Variants in PALM2AKAP2 observed in about 807,000 individuals in gnomAD.
PALM2AKAP2 encodes the protein PALM2-AKAP2 fusion protein.
A neutral mutation model predicts 71.5 loss-of-function variants in PALM2AKAP2; 37 were observed. That is an observed-to-expected ratio of 0.52 (90% CI 0.40 to 0.68). The LOEUF (loss-of-function observed/expected upper bound fraction) is 0.68, where lower values mean the gene tolerates loss of function less well. Ranked by LOEUF, PALM2AKAP2 falls within the 30% of genes least tolerant of loss-of-function variation. The pLI, the probability that PALM2AKAP2 is intolerant of heterozygous loss-of-function variation, is 0.00. For missense variants in PALM2AKAP2, 1,224 were observed against 1,191.8 expected, an observed-to-expected ratio of 1.03 and a Z score of -0.40; for synonymous variants, 468 against 478.8, an observed-to-expected ratio of 0.98 and a Z score of 0.29.
intron 6 of PALM2AKAP2, among the ~76,000 whole-genome samples, chr9:109,960,632 G>A (rs1258443142): frequency 6.6e-6 from 1 of 152,214 alleles, no homozygotes; most frequent in African/African-American, 2.4e-5. Context: ...AAAAAAAGAT[G>A]TAATGCTATC....
upstream of PALM2AKAP2, among the ~76,000 whole-genome samples, chr9:110,046,180 T>C (rs1833593637): frequency 6.6e-6 from 1 of 152,230 alleles, no homozygotes; most frequent in Admixed American, 6.5e-5. Context: ...TTCATACTCT[T>C]GCATGGATTT....
chr9:109,691,833 GATATATATATATATATATATATAT>G (rs1185965530), intron 1 of PALM2AKAP2, among the ~76,000 whole-genome samples: 3 of 36,040 alleles, frequency 8.3e-5, no homozygotes, highest in South Asian at 9.2e-4. Context: ...CCAGAAAGAC[GATATATATATATATATATATATAT>G]ATATATATAT....
At chr9:110,143,304 C>T (rs1312692309) in intron 2 of PALM2AKAP2, among the ~76,000 whole-genome samples, 1 of 150,204 alleles carries the variant, frequency 6.7e-6, no homozygotes, top group Admixed American at 6.6e-5. Flanking sequence ...TGCCTGTTGT[C>T]CCAGCTACTT....
chr9:110,044,355 T>C (rs1055374495), upstream of PALM2AKAP2, among the ~76,000 whole-genome samples: 1 of 134,218 alleles, frequency 7.5e-6, no homozygotes, highest in African/African-American at 2.9e-5. Context: ...TTTTTTTTTT[T>C]TTTTTTTTTT....
intron 7 of PALM2AKAP2, among the ~76,000 whole-genome samples, chr9:110,034,869 C>T (rs1833352860): frequency 6.6e-6 from 1 of 151,478 alleles, no homozygotes; most frequent in Admixed American, 6.6e-5. Context: ...TCCCAAAGTG[C>T]TGGGATTACA....
At chr9:109,860,840 A>T (rs1829288148) in intron 1 of PALM2AKAP2, among the ~76,000 whole-genome samples, 1 of 152,178 alleles carries the variant, frequency 6.6e-6, no homozygotes, top group South Asian at 2.1e-4. Context: ...TTCATTTCAA[A>T]AGCCTAGGAA....
chr9:110,108,294 G>C (rs1168956513), intron 1 of PALM2AKAP2, among the ~76,000 whole-genome samples: 6 of 151,678 alleles, frequency 4.0e-5, no homozygotes, highest in Admixed American at 1.3e-4. Context: ...GTATTTTTTA[G>C]TAGAGACAGG....
Position 109,877,048 on chromosome 9 carries a change from C to T in PALM2AKAP2, c.127-3503C>T, listed in dbSNP as rs151113759. 3.5e-3 allele frequency among the ~76,000 whole-genome samples: 533 copies of T among 152,250 alleles called. 5 individuals carry two copies. The highest frequency in any genetic ancestry group is 5.5e-3 in the Non-Finnish European group (371 of 68,008). On this transcript the variant is annotated intron_variant, in intron 2 of 9. Coordinates refer to the PALM2AKAP2 transcript ENST00000302798. The stretch of plus-strand genomic sequence containing the variant: ...AGAACATTCCAAGAGCAGCCATTTA[C>T]GTTGCAAGAAGTTGTGGCTGCAGAA...
chr9:109,948,342 T>G (rs906897355), intron 6 of PALM2AKAP2, among the ~76,000 whole-genome samples: 1 of 152,212 alleles, frequency 6.6e-6, no homozygotes, highest in African/African-American at 2.4e-5. Context: ...ATAACTCAAG[T>G]AAGCCTCTGC....
chr9:109,881,324 C>T (rs887832821), intron 3 of PALM2AKAP2, among the ~76,000 whole-genome samples: 2 of 152,330 alleles, frequency 1.3e-5, no homozygotes, highest in Middle Eastern at 3.4e-3. Context: ...TGCCCCTTCA[C>T]TAGGTGCTCC....
chr9:109,760,832 C>T (rs1471521558), intron 1 of PALM2AKAP2, among the ~76,000 whole-genome samples: 2 of 152,128 alleles, frequency 1.3e-5, no homozygotes, highest in South Asian at 2.1e-4. Flanking sequence ...CCAAGAGCTC[C>T]CTGGGAGTTT....
Position 110,135,164 on chromosome 9 carries a change from A to ATATATATATATATATAT in PALM2AKAP2, c.157-963_157-962insTATATATATATATATAT, listed in dbSNP as rs1554755279. On this transcript the variant is annotated intron_variant, in intron 1 of 3. Transcript: ENST00000374525. Reference sequence around the variant, plus strand: ...AACTCTGTCTCTACAAAAAAAAAAAAATATATAAATATATATATATATATA... The same window carrying ATATATATATATATATAT: ...AACTCTGTCTCTACAAAAAAAAAAAATATATATATATATATATATATATAAATATATATATATATATA... Among the ~76,000 whole-genome samples the ATATATATATATATATAT allele has an allele frequency of 1.4e-4, 7 of 51,730 alleles. 1 individual carries two copies. Among genetic ancestry groups the ATATATATATATATATAT allele is most frequent in the African/African-American group, 5.1e-4 (7 of 13,626 alleles). The allele number at this position is 51,730 out of a possible 152,430, so 33.9% of individuals were successfully genotyped here. A position where few individuals can be genotyped will look rare whatever the true frequency, so the allele number is the denominator to read the frequency against.
At chr9:109,981,524 G>C (rs1211452229) in intron 6 of PALM2AKAP2, among the ~76,000 whole-genome samples, 1 of 152,188 alleles carries the variant, frequency 6.6e-6, no homozygotes, top group African/African-American at 2.4e-5. Flanking sequence ...AAGATATTCT[G>C]ATCAGGCCAA....
At chr9:109,842,074 G>T (rs970749301) in intron 1 of PALM2AKAP2, among the ~76,000 whole-genome samples, 7 of 152,118 alleles carry the variant, frequency 4.6e-5, no homozygotes, top group African/African-American at 1.7e-4. Flanking sequence ...CCTGGTGGAT[G>T]ACATGCACAG....
intron 1 of PALM2AKAP2, among the ~76,000 whole-genome samples, chr9:110,089,257 A>C (rs1048911098): frequency 2.0e-5 from 3 of 152,128 alleles, no homozygotes; most frequent in African/African-American, 7.2e-5. Context: ...CTTTAATTTC[A>C]CTTGTTGAAA....
At chr9:110,124,847 T>A (rs1355532223) in intron 1 of PALM2AKAP2, among the ~76,000 whole-genome samples, 1 of 152,102 alleles carries the variant, frequency 6.6e-6, no homozygotes, top group African/African-American at 2.4e-5. Context: ...GGCCATTAAA[T>A]AACATAAAAA....
intron 6 of PALM2AKAP2, among the ~76,000 whole-genome samples, chr9:110,005,918 G>A (rs59104421): frequency 0.15 from 23,094 of 152,094 alleles, 2,218 homozygotes; most frequent in Middle Eastern, 0.24. Context: ...TCCAGGTACC[G>A]TCTGTCACCC....
intron 1 of PALM2AKAP2, among the ~76,000 whole-genome samples, chr9:109,660,645 C>T (rs1013726445): frequency 7.2e-5 from 11 of 151,964 alleles, no homozygotes; most frequent in Non-Finnish European, 5.9e-5. Context: ...TGAATAGTGC[C>T]GCAATAAATA....
intron 1 of PALM2AKAP2, among the ~76,000 whole-genome samples, chr9:109,785,095 A>T (rs1022456386): frequency 1.3e-5 from 2 of 152,200 alleles, no homozygotes; most frequent in African/African-American, 4.8e-5. Flanking sequence ...AAATAAGTAA[A>T]TGTTATATAA....
Sources: gnomAD v4.1 joint callset for allele counts (sites outside exome capture counted in the v4.1 genomes callset) on GRCh38, gnomAD v4.1.1 for gene constraint, MANE v1.5 for transcripts, NCBI Gene and HGNC (gene_info 2026-07-23, HGNC 2026-07-21) for gene names.